PHLPP1: variants seen among roughly 807,000 people sequenced by gnomAD.
PHLPP1 encodes the protein PH domain leucine-rich repeat-containing protein phosphatase 1.
A neutral mutation model predicts 117.2 loss-of-function variants in PHLPP1; 42 were observed. The ratio of observed to expected loss-of-function variants is 0.36; its 90% CI spans 0.28 to 0.46. The LOEUF is 0.46. Among genes scored for constraint, PHLPP1 ranks in the 20% least tolerant of loss-of-function variants. PHLPP1 has a pLI of 1.00. For missense variants in PHLPP1, 2,084 were observed against 2,241.9 expected (o/e 0.93, Z 1.42); for synonymous variants, 1,042 against 970.7 (o/e 1.07, Z -1.37).
chr18:62,895,405 A>C (rs556588364), intron 5 of PHLPP1, among the ~76,000 whole-genome samples: 1 of 152,382 alleles, frequency 6.6e-6, no homozygotes, highest in African/African-American at 2.4e-5. Context: ...ATGTCTAAAC[A>C]TGGAATGTGG....
intron 10 of PHLPP1, among the ~76,000 whole-genome samples, chr18:62,920,901 T>C (rs1377045120): frequency 1.3e-5 from 2 of 152,220 alleles, no homozygotes; most frequent in Non-Finnish European, 2.9e-5. Flanking sequence ...TTTATCATAA[T>C]TAATTCCACA....
At chr18:62,821,549 C>CAAAAAAA (rs1914456217) in intron 1 of PHLPP1, among the ~76,000 whole-genome samples, 1 of 129,868 alleles carries the variant, frequency 7.7e-6, no homozygotes, top group Non-Finnish European at 1.6e-5. Flanking sequence ...ACCCTTTATC[C>CAAAAAAA]AAAAAAAAAA....
At chr18:62,914,000 C>T (rs936775068) in intron 8 of PHLPP1, among the ~76,000 whole-genome samples, 1 of 152,062 alleles carries the variant, frequency 6.6e-6, no homozygotes, top group Non-Finnish European at 1.5e-5. Context: ...CAGCCTGGGC[C>T]TCCCAAAGTG....
At position 62,799,589 on chromosome 18, in the gene PHLPP1, T is replaced by A. The variant is rs1489006725; in HGVS notation, c.1577-30446T>A. ...GCATCTGGAATAGAAAGAATGATAG[T>A]TGCACAGTGTGCAGGTTCCCCGGAT... On this transcript the variant is annotated intron_variant, in intron 1 of 16. Transcript: ENST00000262719. Among the ~76,000 whole-genome samples, 6 of 152,346 alleles carry A rather than the reference T, an allele frequency of 3.9e-5. No individual in the cohort carries two copies. The East Asian group carries it at 5.8e-4, about 15-fold the overall frequency.
At chr18:62,890,821 T>G (rs2144393906) in intron 4 of PHLPP1, among the ~76,000 whole-genome samples, 1 of 152,334 alleles carries the variant, frequency 6.6e-6, no homozygotes, top group Admixed American at 6.5e-5. Context: ...TTGGATAATG[T>G]CTAGTGGATT....
At chr18:62,735,620 C>A (rs1405030812) in intron 1 of PHLPP1, among the ~76,000 whole-genome samples, 1 of 151,228 alleles carries the variant, frequency 6.6e-6, no homozygotes, top group Admixed American at 6.6e-5. Flanking sequence ...AGTTGACCAC[C>A]CTCTTGGTTT....
chr18:62,932,166 A>G (rs1309014294), intron 10 of PHLPP1, among the ~76,000 whole-genome samples: 1 of 152,168 alleles, frequency 6.6e-6, no homozygotes, highest in Non-Finnish European at 1.5e-5. Flanking sequence ...GAGCAGGTGA[A>G]TTCACATCCG....
chr18:62,870,369 G>C (rs942401113), intron 4 of PHLPP1, among the ~76,000 whole-genome samples: 3 of 152,104 alleles, frequency 2.0e-5, no homozygotes, highest in Non-Finnish European at 4.4e-5. Flanking sequence ...TGTATAATGT[G>C]TATTTAAGAA....
At chr18:62,885,764 T>C (rs1304444672) in intron 4 of PHLPP1, among the ~76,000 whole-genome samples, 1 of 152,180 alleles carries the variant, frequency 6.6e-6, no homozygotes, top group African/African-American at 2.4e-5. Flanking sequence ...ATTAAGAAAC[T>C]AAACACTCTT....
chr18:62,811,064 T>C (rs1163837321), intron 1 of PHLPP1, among the ~76,000 whole-genome samples: 2 of 152,176 alleles, frequency 1.3e-5, no homozygotes, highest in African/African-American at 2.4e-5. Flanking sequence ...GAGGCAAGGA[T>C]TGGAAAAACC....
At chr18:62,939,084 G>A (rs1390392717) in intron 10 of PHLPP1, among the ~76,000 whole-genome samples, 3 of 146,076 alleles carry the variant, frequency 2.1e-5, no homozygotes, top group Non-Finnish European at 4.5e-5. Flanking sequence ...TCTGCCTCCC[G>A]GGTTCAAGTG....
At chr18:62,957,916 C>T (rs1369009344) in intron 12 of PHLPP1, among the ~76,000 whole-genome samples, 1 of 152,096 alleles carries the variant, frequency 6.6e-6, no homozygotes, top group African/African-American at 2.4e-5. Context: ...CTGTGTTGCC[C>T]AGGCTGATCT....
At chr18:62,822,477 G>A (rs1408138280) in intron 1 of PHLPP1, among the ~76,000 whole-genome samples, 2 of 151,646 alleles carry the variant, frequency 1.3e-5, no homozygotes, top group African/African-American at 4.8e-5. Flanking sequence ...GTAGAGACGG[G>A]GTTTCACCGT....
At chr18:62,838,937 A>G (rs1914983826) in intron 3 of PHLPP1, 28 bp downstream of exon 3, 1 of 1,612,330 alleles carries the variant, frequency 6.2e-7, no homozygotes, top group South Asian at 1.1e-5. Flanking sequence ...CCAGGAATCC[A>G]CTCAGCTTCT....
At chr18:62,924,203 T>C (rs1305837006) in intron 10 of PHLPP1, among the ~76,000 whole-genome samples, 1 of 152,198 alleles carries the variant, frequency 6.6e-6, no homozygotes, top group Non-Finnish European at 1.5e-5. Flanking sequence ...GCTGCAGGCA[T>C]TGGTGAGACT....
chr18:62,777,068 G>C (rs1470299368), intron 1 of PHLPP1, among the ~76,000 whole-genome samples: 1 of 152,178 alleles, frequency 6.6e-6, no homozygotes, highest in African/African-American at 2.4e-5. Context: ...TTTTTGGGGG[G>C]TAAATATTTA....
chr18:62,866,132 G>A (rs1915764605), intron 4 of PHLPP1, among the ~76,000 whole-genome samples: 1 of 152,162 alleles, frequency 6.6e-6, no homozygotes, highest in Non-Finnish European at 1.5e-5. Context: ...TACCTTTTAG[G>A]GAGACGGGGG....
chr18:62,737,285 T>C (rs1021821225), intron 1 of PHLPP1, among the ~76,000 whole-genome samples: 3 of 151,840 alleles, frequency 2.0e-5, no homozygotes, highest in African/African-American at 7.3e-5. Context: ...AGTGGTGAAA[T>C]TTTAGGTGAT....
Position 62,786,493 on chromosome 18 carries a change from G to A in PHLPP1, c.1577-43542G>A, listed in dbSNP as rs557818123. ...TTTATTTCCTAGCTCTGTGACCTTG[G>A]GTAAGTTACTAATCTCGCTGCCTTA... On this transcript the variant is annotated intron_variant, in intron 1 of 16. Coordinates refer to ENST00000262719, the MANE Select transcript of PHLPP1 (RefSeq NM_194449.4). Among the ~76,000 whole-genome samples the A allele has an allele frequency of 6.6e-5, 10 of 152,146 alleles. No individual in the cohort carries two copies. In the East Asian group the frequency reaches 1.9e-3, roughly 29 times the overall value.
Sources: allele counts gnomAD v4.1 joint callset (sites outside exome capture counted in the v4.1 genomes callset), GRCh38; gene constraint gnomAD v4.1.1; transcripts MANE v1.5; gene names NCBI Gene and HGNC (gene_info 2026-07-23, HGNC 2026-07-21).